Variants in DDAH1 observed in about 807,000 individuals in gnomAD.
DDAH1 encodes dimethylarginine dimethylaminohydrolase 1.
A neutral mutation model predicts 28.8 loss-of-function variants in DDAH1; 19 were observed. That is an observed-to-expected ratio of 0.66 (90% CI 0.46 to 0.97). The LOEUF is 0.97. DDAH1 is among the 50% of genes least tolerant of loss of function. The probability of loss-of-function intolerance (pLI) is 0.00; values close to 1 mark genes in which losing one functional copy is unlikely to be tolerated. For missense variants in DDAH1, 326 were observed against 375.9 expected (o/e 0.87, Z 1.10); for synonymous variants, 153 against 154.4 (o/e 0.99, Z 0.07).
chr1:85,336,348 C>A (rs1372501553), intron 4 of DDAH1, among the ~76,000 whole-genome samples: 1 of 151,898 alleles, frequency 6.6e-6, no homozygotes, highest in Non-Finnish European at 1.5e-5. Flanking sequence ...TCTTCATAGA[C>A]CATAATGGAA....
At chr1:85,547,918 G>A (rs1658675202) in intron 1 of DDAH1, among the ~76,000 whole-genome samples, 1 of 152,308 alleles carries the variant, frequency 6.6e-6, no homozygotes, top group Non-Finnish European at 1.5e-5. Flanking sequence ...CTCTCCTGAA[G>A]TGAATGTTTT....
chr1:85,377,694 T>C (rs1468574560), intron 1 of DDAH1, among the ~76,000 whole-genome samples: 5 of 152,056 alleles, frequency 3.3e-5, no homozygotes, highest in Non-Finnish European at 5.9e-5. Flanking sequence ...CATCTTTCTC[T>C]TTCCTTCTCC....
intron 4 of DDAH1, among the ~76,000 whole-genome samples, chr1:85,345,354 G>A (rs1415173860): frequency 6.7e-6 from 1 of 149,132 alleles, no homozygotes; most frequent in Non-Finnish European, 1.5e-5. Context: ...TTTTTTACAG[G>A]TAGAGGGGTA....
At chr1:85,427,656 A>G (rs1299243699) in intron 1 of DDAH1, among the ~76,000 whole-genome samples, 1 of 152,204 alleles carries the variant, frequency 6.6e-6, no homozygotes, top group Non-Finnish European at 1.5e-5. Flanking sequence ...GTCTGTTGTC[A>G]ATTGCTCTGG....
upstream of DDAH1, among the ~76,000 whole-genome samples, chr1:85,467,979 G>T (rs1483616459): frequency 6.6e-6 from 1 of 152,188 alleles, no homozygotes; most frequent in Non-Finnish European, 1.5e-5. Context: ...TATCTCTATG[G>T]TGGGTGGGAG....
chr1:85,338,930 C>T lies in DDAH1; in HGVS notation c.597+11485G>A, dbSNP rs183873002. Among the ~76,000 whole-genome samples, 684 of 151,306 alleles carry T rather than the reference C, an allele frequency of 4.5e-3. 6 individuals are homozygous for T. The highest frequency in any genetic ancestry group is 0.016 in the African/African-American group (645 of 41,182). ...GGCGTGGTTGTATATGTCTGTAATCCCAGCTACTCAGGAGGCTGAAGAAGG... is the reference window on the plus strand; with the variant it reads ...GGCGTGGTTGTATATGTCTGTAATCTCAGCTACTCAGGAGGCTGAAGAAGG... On this transcript the variant is annotated intron_variant, in intron 4 of 5. Transcript: ENST00000284031.
intron 1 of DDAH1, among the ~76,000 whole-genome samples, chr1:85,457,903 C>A (rs1440422323): frequency 6.6e-6 from 1 of 152,140 alleles, no homozygotes; most frequent in Non-Finnish European, 1.5e-5. Context: ...GTTGGCCAGG[C>A]TGGTTTTGAA....
intron 1 of DDAH1, among the ~76,000 whole-genome samples, chr1:85,402,217 A>G (rs1652149251): frequency 8.7e-6 from 1 of 115,336 alleles, no homozygotes; most frequent in South Asian, 2.6e-4. Flanking sequence ...GCCCAGGCTT[A>G]TCTTGAACTT....
rs186691537 is a variant in DDAH1, at chr1:85,394,182, G to A, written c.304-35335C>T. On this transcript the variant is annotated intron_variant, in intron 1 of 5. Transcript: ENST00000284031. ...ATGTGGGGAGGTAAAGTCTTTAAGA[G>A]ATGATTAGGTCAATCACATAGATTA... Among the ~76,000 whole-genome samples, 699 of 152,334 alleles carry A rather than the reference G, an allele frequency of 4.6e-3. 1 individual carries two copies. The highest frequency in any genetic ancestry group is 7.4e-3 in the Non-Finnish European group (504 of 68,036).
intron 1 of DDAH1, among the ~76,000 whole-genome samples, chr1:85,544,497 G>A (rs959108680): frequency 2.6e-5 from 4 of 152,282 alleles, no homozygotes; most frequent in Admixed American, 6.5e-5. Flanking sequence ...TGGGAAGAAT[G>A]CCTGCCAGTG....
chr1:85,572,779 A>C (rs1035218119), intron 1 of DDAH1, among the ~76,000 whole-genome samples: 5 of 152,224 alleles, frequency 3.3e-5, no homozygotes, highest in South Asian at 4.1e-4. Context: ...TAGATGAGGA[A>C]ACCAAAGCAA....
intron 1 of DDAH1, among the ~76,000 whole-genome samples, chr1:85,410,364 G>A (rs1036998834): frequency 6.6e-6 from 1 of 152,024 alleles, no homozygotes; most frequent in African/African-American, 2.4e-5. Context: ...ATGAGGCCGG[G>A]CATGGTGGCC....
At chr1:85,514,448 G>A (rs1428591601) in intron 1 of DDAH1, among the ~76,000 whole-genome samples, 7 of 151,398 alleles carry the variant, frequency 4.6e-5, no homozygotes, top group Non-Finnish European at 1.0e-4. Flanking sequence ...ATTGATGGGT[G>A]CAGCAAACCA....
intron 1 of DDAH1, among the ~76,000 whole-genome samples, chr1:85,530,219 C>T (rs536165183): frequency 2.1e-4 from 32 of 152,234 alleles, no homozygotes; most frequent in Admixed American, 1.3e-4. Context: ...ATATAGTAAG[C>T]GTTCCATAAA....
intron 2 of DDAH1, among the ~76,000 whole-genome samples, chr1:85,484,155 T>C (rs1429889206): frequency 6.6e-6 from 1 of 152,134 alleles, no homozygotes; most frequent in Admixed American, 6.5e-5. Context: ...CTTGGAAGAA[T>C]ACTGGCGGCA....
At chr1:85,339,648 T>TC (rs1332488215) in intron 4 of DDAH1, among the ~76,000 whole-genome samples, 1 of 152,182 alleles carries the variant, frequency 6.6e-6, no homozygotes, top group Non-Finnish European at 1.5e-5. Flanking sequence ...TAGTATTGTG[T>TC]CATGTAGTGG....
intron 1 of DDAH1, among the ~76,000 whole-genome samples, chr1:85,515,153 G>A: frequency 6.7e-6 from 1 of 150,250 alleles, no homozygotes; most frequent in Non-Finnish European, 1.5e-5. Context: ...ACTTTGGGGG[G>A]CCAAGGCGGG....
chr1:85,473,618 C>T (rs1480738340), intron 2 of DDAH1, among the ~76,000 whole-genome samples: 2 of 151,970 alleles, frequency 1.3e-5, no homozygotes, highest in Admixed American at 6.6e-5. Context: ...ACTGTATTTG[C>T]TTTTGTGGTA....
chr1:85,333,197 T>C (rs1343275679), intron 4 of DDAH1, among the ~76,000 whole-genome samples: 1 of 152,160 alleles, frequency 6.6e-6, no homozygotes, highest in Non-Finnish European at 1.5e-5. Context: ...CCTACGCCAC[T>C]GAGGAAATCA....
Sources: allele counts gnomAD v4.1 joint callset (sites outside exome capture counted in the v4.1 genomes callset), GRCh38; gene constraint gnomAD v4.1.1; transcripts MANE v1.5; gene names NCBI Gene and HGNC (gene_info 2026-07-23, HGNC 2026-07-21).